TULP4: variants seen among roughly 807,000 people sequenced by gnomAD.
TULP4 encodes the protein TUB like protein 4.
Under a neutral mutation model 129.0 loss-of-function variants are expected in TULP4, and 16 were observed. The observed-to-expected ratio is 0.12, with a 90% CI of 0.08 to 0.19. TULP4 has a LOEUF of 0.19. Among genes scored for constraint, TULP4 ranks in the 10% least tolerant of loss-of-function variants. The pLI, the probability that TULP4 is intolerant of heterozygous loss-of-function variation, is 1.00. For missense variants in TULP4, 1,842 were observed against 2,059.1 expected (o/e 0.89, Z 2.04); for synonymous variants, 998 against 854.0 (o/e 1.17, Z -2.94).
chr6:158,300,414 G>C (rs1374512300), intron 1 of TULP4, among the ~76,000 whole-genome samples: 2 of 152,198 alleles, frequency 1.3e-5, no homozygotes, highest in Non-Finnish European at 2.9e-5. Context: ...GGAGTGGGGA[G>C]TGGTTAAATT....
intron 1 of TULP4, among the ~76,000 whole-genome samples, chr6:158,297,187 T>C (rs1373517692): frequency 6.6e-6 from 1 of 152,114 alleles, no homozygotes; most frequent in Non-Finnish European, 1.5e-5. Flanking sequence ...ATATTTAATA[T>C]TACTTGCTAG....
At chr6:158,350,508 C>G (rs763687562) in intron 1 of TULP4, among the ~76,000 whole-genome samples, 1 of 152,042 alleles carries the variant, frequency 6.6e-6, no homozygotes, top group East Asian at 1.9e-4. Context: ...GCAGATCACC[C>G]GAGGCCAGGA....
rs534175098 is a variant in TULP4, at chr6:158,404,006, T to A, written c.253-9059T>A. On this transcript the variant is annotated intron_variant, in intron 1 of 13. Coordinates refer to ENST00000367097, the MANE Select transcript of TULP4 (RefSeq NM_020245.5). ...TTTTGGAAGATAAGAATGGCAACAT[T>A]TGCATCATATGGTAGTTGGGAGAAT... Among the ~76,000 whole-genome samples the A allele has an allele frequency of 2.0e-5, 3 of 152,310 alleles. No homozygotes were observed. The East Asian group carries it at 5.8e-4, about 29-fold the overall frequency.
chr6:158,483,952 G>A (rs141215387), intron 8 of TULP4, among the ~76,000 whole-genome samples: 6 of 149,760 alleles, frequency 4.0e-5, no homozygotes, highest in African/African-American at 1.5e-4. Flanking sequence ...AGGGTCTCAC[G>A]GTGTCTCCCA....
At chr6:158,352,241 G>A (rs966939340) in intron 1 of TULP4, among the ~76,000 whole-genome samples, 2 of 152,144 alleles carry the variant, frequency 1.3e-5, no homozygotes, top group African/African-American at 4.8e-5. Context: ...GGTTTTTTAA[G>A]AAGAGACTTC....
intron 1 of TULP4, chr6:158,237,999 A>G: frequency 2.8e-6 from 2 of 721,072 alleles, no homozygotes; most frequent in South Asian, 2.8e-5. Context: ...TCAAGGACAA[A>G]TGAGCAGGAG....
At chr6:158,491,347 T>A (rs1377897223) in intron 9 of TULP4, among the ~76,000 whole-genome samples, 7 of 152,242 alleles carry the variant, frequency 4.6e-5, no homozygotes, top group Non-Finnish European at 1.0e-4. Flanking sequence ...TGTTCAAGTC[T>A]TCTGCCCAAT....
intron 1 of TULP4, among the ~76,000 whole-genome samples, chr6:158,248,068 A>G (rs957616339): frequency 6.6e-6 from 1 of 152,226 alleles, no homozygotes; most frequent in East Asian, 1.9e-4. Context: ...CATTTTCGGC[A>G]GAGTTACTGT....
At chr6:158,449,481 G>A (rs778645004) in intron 4 of TULP4, among the ~76,000 whole-genome samples, 6 of 147,054 alleles carry the variant, frequency 4.1e-5, no homozygotes, top group Non-Finnish European at 8.8e-5. Context: ...GTATTGTGGG[G>A]CTTAGCTGCT....
chr6:158,384,137 A>G (rs1368663114), intron 1 of TULP4, among the ~76,000 whole-genome samples: 1 of 152,190 alleles, frequency 6.6e-6, no homozygotes, highest in African/African-American at 2.4e-5. Context: ...TTTCTTTGCA[A>G]TATAGCATCT....
chr6:158,329,633 A>C (rs563069515), intron 1 of TULP4, among the ~76,000 whole-genome samples: 1 of 152,304 alleles, frequency 6.6e-6, no homozygotes, highest in South Asian at 2.1e-4. Flanking sequence ...ACAAGAGTGT[A>C]AAAACCATCT....
chr6:158,284,951 A>G (rs986949774), intron 1 of TULP4, among the ~76,000 whole-genome samples: 5 of 152,136 alleles, frequency 3.3e-5, no homozygotes, highest in South Asian at 4.2e-4. Flanking sequence ...AGATATGTCT[A>G]TTCTTCCTTT....
intron 3 of TULP4, among the ~76,000 whole-genome samples, chr6:158,442,570 AC>A (rs1778923323): frequency 6.6e-6 from 1 of 152,086 alleles, no homozygotes; most frequent in African/African-American, 2.4e-5. Flanking sequence ...GTGAGTGGCC[AC>A]CCTGGGCAGT....
At chr6:158,399,906 C>CT (rs1299181977) in intron 1 of TULP4, among the ~76,000 whole-genome samples, 1 of 152,204 alleles carries the variant, frequency 6.6e-6, no homozygotes, top group East Asian at 1.9e-4. Context: ...GAGAACTTTA[C>CT]TTCTCTCTGC....
chr6:158,442,527 T>A (rs1778922066), intron 3 of TULP4, among the ~76,000 whole-genome samples: 1 of 151,932 alleles, frequency 6.6e-6, no homozygotes, highest in Non-Finnish European at 1.5e-5. Context: ...GGTCTTCTGA[T>A]CAAAGTACAC....
chr6:158,348,173 G>GTTTTTTTTTTTTGTTTTTTTTTT (rs1780360145), intron 1 of TULP4, among the ~76,000 whole-genome samples: 3 of 112,170 alleles, frequency 2.7e-5, no homozygotes, highest in African/African-American at 1.1e-4. Context: ...TTTTTTTAAG[G>GTTTTTTTTTTTTGTTTTTTTTTT]TTTTTTTTTT....
chr6:158,339,387 GTGTCCCGCTGTGCACACAT>G (rs1780124519), intron 1 of TULP4, among the ~76,000 whole-genome samples: 1 of 152,198 alleles, frequency 6.6e-6, no homozygotes, highest in Non-Finnish European at 1.5e-5. Context: ...AAGAACTTCT[GTGTCCCGCTGTGCACACAT>G]TGTCAGCGTT....
chr6:158,440,316 TCAAAAAA>T (rs1778860685), intron 3 of TULP4, among the ~76,000 whole-genome samples: 1 of 33,396 alleles, frequency 3.0e-5, no homozygotes, highest in African/African-American at 1.4e-4. Flanking sequence ...AGTCCCTGTC[TCAAAAAA>T]AAAAAAAAAA....
chr6:158,330,863 T>C (rs770529113), intron 1 of TULP4, among the ~76,000 whole-genome samples: 2 of 152,262 alleles, frequency 1.3e-5, no homozygotes, highest in Non-Finnish European at 2.9e-5. Flanking sequence ...AATGCTCCTC[T>C]TTCTTTTTAA....
Sources: gnomAD v4.1 joint callset for allele counts (sites outside exome capture counted in the v4.1 genomes callset) on GRCh38, gnomAD v4.1.1 for gene constraint, MANE v1.5 for transcripts, NCBI Gene and HGNC (gene_info 2026-07-23, HGNC 2026-07-21) for gene names.